The following CHRNA7 variants were observed in gnomAD, a reference collection of about 807,000 sequenced individuals.
CHRNA7 encodes cholinergic receptor nicotinic alpha 7 subunit.
A neutral mutation model predicts 48.0 loss-of-function variants in CHRNA7; 17 were observed. The observed-to-expected ratio is 0.35, with a 90% CI of 0.24 to 0.53. The LOEUF is 0.53. Among genes scored for constraint, CHRNA7 ranks in the 20% least tolerant of loss-of-function variants. The pLI, the probability that CHRNA7 is intolerant of heterozygous loss-of-function variation, is 0.92. For missense variants in CHRNA7, 155 were observed against 577.7 expected, an observed-to-expected ratio of 0.27 and a Z score of 7.50; for synonymous variants, 75 against 242.3, an observed-to-expected ratio of 0.31 and a Z score of 6.41.
intron 2 of CHRNA7, among the ~76,000 whole-genome samples, chr15:32,066,003 G>A (rs1350203630): frequency 6.6e-6 from 1 of 152,142 alleles, no homozygotes; most frequent in African/African-American, 2.4e-5. Context: ...AAACACTGGG[G>A]ACAGAGCTGT....
chr15:32,034,727 ATAG>A (rs1902001744), intron 2 of CHRNA7, among the ~76,000 whole-genome samples: 1 of 152,228 alleles, frequency 6.6e-6, no homozygotes, highest in Admixed American at 6.5e-5. Flanking sequence ...AGTATAAATT[ATAG>A]ATTGGAGTGA....
rs532823922 is a variant in CHRNA7, at chr15:32,054,980, G to A, written c.195+23943G>A. Among the ~76,000 whole-genome samples the A allele has an allele frequency of 2.0e-5, 3 of 152,270 alleles. No homozygotes were observed. In the South Asian group the frequency reaches 6.2e-4, roughly 32 times the overall value. ...ATGATGCTAAACAATTTTCAAAATG[G>A]TTATACCAATTAGCATTCCCACCAG... On this transcript the variant is annotated intron_variant, in intron 2 of 9. Transcript: ENST00000306901.
chr15:32,135,375 T>TC (rs1335056874), intron 4 of CHRNA7, among the ~76,000 whole-genome samples: 1 of 152,222 alleles, frequency 6.6e-6, no homozygotes, highest in African/African-American at 2.4e-5. Flanking sequence ...AATGGGAAAG[T>TC]CAAACTAGTA....
At chr15:32,076,460 T>C (rs1566822079) in intron 2 of CHRNA7, among the ~76,000 whole-genome samples, 1 of 152,186 alleles carries the variant, frequency 6.6e-6, no homozygotes, top group Non-Finnish European at 1.5e-5. Flanking sequence ...TATTTGATAT[T>C]ATATCAGGCC....
At chr15:32,096,830 A>G (rs2048681) in intron 2 of CHRNA7, among the ~76,000 whole-genome samples, 7,138 of 152,306 alleles carry the variant, frequency 0.047, 540 homozygotes, top group African/African-American at 0.16. Context: ...CACTTAAATC[A>G]AAGCATGCTC....
At position 32,030,662 on chromosome 15, in the gene CHRNA7, C is replaced by A; in HGVS notation, c.55+13C>A. On this transcript the variant is annotated intron_variant, in intron 1 of 9. Coordinates refer to ENST00000306901, the MANE Select transcript of CHRNA7 (RefSeq NM_000746.6). ...TCGCTCCTGCACGGTAAAGCCACTG[C>A]CTCCCCGCCCTCCACTCCTCCGTGG... 1.3e-6 allele frequency: 2 copies of A among 1,568,480 alleles called. No individual in the cohort carries two copies. The highest frequency in any genetic ancestry group is 1.7e-6 in the Non-Finnish European group (2 of 1,160,466).
intron 2 of CHRNA7, among the ~76,000 whole-genome samples, chr15:32,032,634 C>T (rs1274311298): frequency 2.0e-5 from 3 of 152,176 alleles, no homozygotes; most frequent in Non-Finnish European, 1.5e-5. Context: ...GCCCCCTCTT[C>T]CCCCATTTGT....
chr15:32,063,445 G>A (rs2049912520), intron 2 of CHRNA7, among the ~76,000 whole-genome samples: 1 of 152,052 alleles, frequency 6.6e-6, no homozygotes. Flanking sequence ...AAGTTACATA[G>A]GACAAAGTCT....
At position 32,039,448 on chromosome 15, in the gene CHRNA7, A is replaced by G. The variant is rs572503728; in HGVS notation, c.195+8411A>G. On this transcript the variant is annotated intron_variant, in intron 2 of 9. Transcript: ENST00000306901. The stretch of plus-strand genomic sequence containing the variant: ...CTTTTGCTGCATCCCACAAATTTTG[A>G]TAAGTTGTGTTTTCATTTTCATTTC... 3.9e-5 allele frequency among the ~76,000 whole-genome samples: 6 copies of G among 152,102 alleles called. 1 individual carries two copies. The highest frequency in any genetic ancestry group is 7.4e-5 in the Non-Finnish European group (5 of 67,982).
At chr15:32,048,790 T>G (rs992844203) in intron 2 of CHRNA7, among the ~76,000 whole-genome samples, 1 of 152,068 alleles carries the variant, frequency 6.6e-6, no homozygotes, top group African/African-American at 2.4e-5. Context: ...CTTTCCTGCT[T>G]TCTCTTGTGG....
At chr15:32,060,104 T>A (rs1451372064) in intron 2 of CHRNA7, among the ~76,000 whole-genome samples, 4 of 152,120 alleles carry the variant, frequency 2.6e-5, no homozygotes, top group Non-Finnish European at 5.9e-5. Context: ...ATATAATAAA[T>A]CCAAGCAGTT....
chr15:32,153,235 A>G (rs1049556302), intron 4 of CHRNA7, among the ~76,000 whole-genome samples: 3 of 151,974 alleles, frequency 2.0e-5, no homozygotes, highest in Non-Finnish European at 4.4e-5. Flanking sequence ...CCCGGCTAAC[A>G]TAGTGAAACC....
At chr15:32,073,874 C>G (rs1458583667) in intron 2 of CHRNA7, among the ~76,000 whole-genome samples, 1 of 152,150 alleles carries the variant, frequency 6.6e-6, no homozygotes, top group African/African-American at 2.4e-5. Flanking sequence ...ACCTGCAGAA[C>G]CAGAAACCAA....
At chr15:32,138,381 T>C (rs1486812802) in intron 4 of CHRNA7, among the ~76,000 whole-genome samples, 1 of 152,192 alleles carries the variant, frequency 6.6e-6, no homozygotes, top group Non-Finnish European at 1.5e-5. Context: ...ACTTTGTTTT[T>C]TAAAGCAGTT....
chr15:32,108,759 T>C (rs1299821897), intron 3 of CHRNA7, among the ~76,000 whole-genome samples: 2 of 152,190 alleles, frequency 1.3e-5, no homozygotes, highest in African/African-American at 4.8e-5. Context: ...CTCTCTCTCT[T>C]TTTTTAAGCC....
At chr15:32,115,076 G>C (rs982028898) in intron 4 of CHRNA7, among the ~76,000 whole-genome samples, 1 of 152,240 alleles carries the variant, frequency 6.6e-6, no homozygotes, top group Non-Finnish European at 1.5e-5. Context: ...GGACTCTTAA[G>C]GACTGAGCGT....
chr15:32,045,709 G>A (rs890351741), intron 2 of CHRNA7, among the ~76,000 whole-genome samples: 6 of 151,610 alleles, frequency 4.0e-5, no homozygotes, highest in Non-Finnish European at 7.4e-5. Context: ...GGGTACATGT[G>A]CACAACGTGC....
intron 2 of CHRNA7, among the ~76,000 whole-genome samples, chr15:32,069,451 G>C (rs1041790285): frequency 6.6e-6 from 1 of 151,942 alleles, no homozygotes; most frequent in Non-Finnish European, 1.5e-5. Context: ...TTGGAGACCA[G>C]CCTGGGCAAC....
At chr15:32,048,357 T>TGGTCTATTC (rs2141182611) in intron 2 of CHRNA7, among the ~76,000 whole-genome samples, 1 of 152,336 alleles carries the variant, frequency 6.6e-6, no homozygotes, top group East Asian at 1.9e-4. Context: ...CTCCTGTTAC[T>TGGTCTATTC]GGTCTATTCA....
Sources: allele counts gnomAD v4.1 joint callset (sites outside exome capture counted in the v4.1 genomes callset), GRCh38; gene constraint gnomAD v4.1.1; transcripts MANE v1.5; gene names NCBI Gene and HGNC (gene_info 2026-07-23, HGNC 2026-07-21).